The following HTR5A variants were observed in gnomAD, a reference collection of about 807,000 sequenced individuals.
The protein encoded by HTR5A is 5-hydroxytryptamine receptor 5A.
In HTR5A, 21 loss-of-function variants were observed where a neutral mutation model predicts 24.3. The observed-to-expected ratio is 0.86, with a 90% CI of 0.61 to 1.24. HTR5A has a LOEUF of 1.24. HTR5A is among the 50% of genes most tolerant of loss of function. The probability of loss-of-function intolerance (pLI) is 0.00; values close to 1 mark genes in which losing one functional copy is unlikely to be tolerated. For missense variants in HTR5A, 497 were observed against 489.5 expected, an observed-to-expected ratio of 1.02 and a Z score of -0.15; for synonymous variants, 260 against 213.7, an observed-to-expected ratio of 1.22 and a Z score of -1.89.
intron 1 of HTR5A, among the ~76,000 whole-genome samples, chr7:155,083,024 A>G (rs1312629104): frequency 6.6e-6 from 1 of 152,164 alleles, no homozygotes. Flanking sequence ...AAATTTGGTA[A>G]TTTATTCATC....
chr7:155,077,709 C>T (rs577991748), intron 1 of HTR5A, among the ~76,000 whole-genome samples: 45 of 152,276 alleles, frequency 3.0e-4, no homozygotes, highest in Non-Finnish European at 4.9e-4. Flanking sequence ...AGGTGATCTG[C>T]CCACCTCAGC....
intron 1 of HTR5A, among the ~76,000 whole-genome samples, chr7:155,074,106 G>T (rs907543647): frequency 6.6e-6 from 1 of 151,792 alleles, no homozygotes; most frequent in East Asian, 1.9e-4. Flanking sequence ...TAATGGGAGT[G>T]GGTGTCAAAG....
intron 1 of HTR5A, among the ~76,000 whole-genome samples, chr7:155,080,780 T>G (rs1163612780): frequency 1.3e-5 from 2 of 152,190 alleles, no homozygotes; most frequent in Non-Finnish European, 2.9e-5. Flanking sequence ...AGAATGAGGC[T>G]TTCTGTTGGA....
In HTR5A at chr7:155,071,299, G is replaced by T; in HGVS notation, c.400G>T (p.Ala134Ser). The change falls in exon 1 of 2, where the codon GCC becomes TCC. Residue 134 changes from alanine to serine, a missense_variant. Ala to Ser is a moderately conservative substitution (Grantham distance 99). Coordinates refer to ENST00000287907, the MANE Select transcript of HTR5A (RefSeq NM_024012.4). ...CACGGCCAGCATCTGGAACGTGACG[G>T]CCATAGCCCTGGACCGCTACTGGTC... is the stretch of plus-strand genomic sequence containing the variant. ...CCTASIWNVT[A>S]IALDRYWSIT... is the part of the protein sequence containing the mutation. The T allele has an allele frequency of 6.2e-7, 1 of 1,610,240 alleles. No homozygotes were observed.
In HTR5A at chr7:155,086,010, A is replaced by G. The variant is rs1795472915; in HGVS notation, c.*1523A>G. Among the ~76,000 whole-genome samples the G allele has an allele frequency of 6.6e-6, 1 of 152,212 alleles. No homozygotes were observed. Among genetic ancestry groups the G allele is most frequent in the African/African-American group, 2.4e-5 (1 of 41,460 alleles). Reference sequence around the variant, plus strand: ...GAAATTTAGTGATAAGAATTGAAGAATTTATTTAGAAACGTCCTTAGATTT... The same window carrying G: ...GAAATTTAGTGATAAGAATTGAAGAGTTTATTTAGAAACGTCCTTAGATTT... On this transcript the variant is annotated 3_prime_UTR_variant, in exon 2 of 2. Coordinates refer to ENST00000287907, the MANE Select transcript of HTR5A (RefSeq NM_024012.4).
At chr7:155,081,344 A>G (rs1173587153) in intron 1 of HTR5A, among the ~76,000 whole-genome samples, 1 of 152,170 alleles carries the variant, frequency 6.6e-6, no homozygotes, top group African/African-American at 2.4e-5. Flanking sequence ...GAAATAAAAG[A>G]ACATACCAGA....
intron 1 of HTR5A, among the ~76,000 whole-genome samples, chr7:155,077,994 T>C (rs1332712108): frequency 6.6e-6 from 1 of 152,184 alleles, no homozygotes; most frequent in African/African-American, 2.4e-5. Context: ...AAAGAAATTG[T>C]TGAGTGACAA....
chr7:155,071,968 A>G (rs1395525229), intron 1 of HTR5A, among the ~76,000 whole-genome samples: 1 of 152,150 alleles, frequency 6.6e-6, no homozygotes, highest in Non-Finnish European at 1.5e-5. Context: ...GAACATCTGA[A>G]TAAGCTGGTA....
chr7:155,074,558 G>A (rs572305287), intron 1 of HTR5A: 1 of 152,220 alleles, frequency 6.6e-6, no homozygotes, highest in South Asian at 2.1e-4. Flanking sequence ...ATCTCTGGTG[G>A]CCTGACTTTC....
chr7:155,078,743 C>A (rs1795384603), intron 1 of HTR5A, among the ~76,000 whole-genome samples: 1 of 65,334 alleles, frequency 1.5e-5, no homozygotes, highest in African/African-American at 4.2e-5. Context: ...CTTCTATTTT[C>A]TGTGCTTCTT....
chr7:155,079,248 T>A (rs984292631), intron 1 of HTR5A, among the ~76,000 whole-genome samples: 2 of 152,174 alleles, frequency 1.3e-5, no homozygotes, highest in African/African-American at 2.4e-5. Context: ...CCCCCATGCC[T>A]GGCCTAGAAA....
Position 155,070,448 on chromosome 7 carries a change from G to T in HTR5A, c.-452G>T, listed in dbSNP as rs947703533. 2.3e-6 allele frequency: 1 copy of T among 436,022 alleles called. No individual in the cohort carries two copies. The allele number at this position is 436,022 out of a possible 1,614,324, so 27.0% of individuals were successfully genotyped here. ...CTAGCACGGAGTTAAGGCTGCAGCC[G>T]GCTGCCTAGAGAGAAGGGTGGGCAG... On this transcript the variant is annotated 5_prime_UTR_variant, in exon 1 of 2. Transcript: ENST00000287907.
rs757620241 is a variant in HTR5A at position 155,071,259 on chromosome 7, C to A, written c.360C>A (p.Cys120Ter). 14 of 1,606,108 alleles carry A rather than the reference C, an allele frequency of 8.7e-6. No homozygotes were observed. Among genetic ancestry groups the A allele is most frequent in the Non-Finnish European group, 1.1e-5 (13 of 1,179,894 alleles). ...GGCTGTGCCAGCTTTGGATCGCGTG[C>A]GACGTGCTTTGCTGCACGGCCAGCA... Reference protein sequence around the residue: ...GRRLCQLWIACDVLCCTASIW... With the variant: ...GRRLCQLWIA Residue 120 changes from cysteine (C) to a stop codon, truncating the protein, a stop_gained, in exon 1 of 2, where the codon TGC (cysteine) becomes TGA (stop). Transcript: ENST00000287907. LOFTEE classifies it high-confidence loss of function.
chr7:155,070,965 C>G lies in HTR5A; in HGVS notation c.66C>G (p.His22Gln). ...CCCCCTCCCCTTTGGAGACCAACCA[C>G]AGCCTCGGCAAAGACGACCTGCGCC... is the stretch of plus-strand genomic sequence containing the variant. ...LSTPSPLETN[H>Q]SLGKDDLRPS... Residue 22 changes from histidine to glutamine, a missense_variant, in exon 1 of 2, where the codon CAC becomes CAG. Coordinates refer to ENST00000287907, the MANE Select transcript of HTR5A (RefSeq NM_024012.4). 2 of 1,611,028 alleles carry G rather than the reference C, an allele frequency of 1.2e-6. No homozygotes were observed. Among genetic ancestry groups the G allele is most frequent in the Non-Finnish European group, 1.7e-6 (2 of 1,180,012 alleles).
chr7:155,087,347 C>G lies in HTR5A; in HGVS notation c.*2860C>G, dbSNP rs147982652. Among the ~76,000 whole-genome samples, 2,031 of 152,280 alleles carry G rather than the reference C, an allele frequency of 0.013. 42 individuals are homozygous for G. The highest frequency in any genetic ancestry group is 0.041 in the African/African-American group (1,701 of 41,554). The stretch of plus-strand genomic sequence containing the variant: ...AAGAGGCTGTAGAGACAACACTTTG[C>G]CATATTTCTATTAAAGAGAAAATAA... On this transcript the variant is annotated 3_prime_UTR_variant, in exon 2 of 2. Transcript: ENST00000287907.
intron 1 of HTR5A, among the ~76,000 whole-genome samples, chr7:155,072,312 T>G (rs868670371): frequency 1.4e-4 from 22 of 152,230 alleles, no homozygotes; most frequent in Admixed American, 2.6e-4. Flanking sequence ...ACTTTATGGG[T>G]CTATCCCCCA....
At position 155,070,988 on chromosome 7, in the gene HTR5A, G is replaced by A. The variant is rs201595546; in HGVS notation, c.89G>A (p.Arg30His). 7 of 1,611,512 alleles carry A rather than the reference G, an allele frequency of 4.3e-6. No homozygotes were observed. Among genetic ancestry groups the A allele is most frequent in the East Asian group, 4.5e-5 (2 of 44,856 alleles). The part of the protein sequence containing the change: ...TNHSLGKDDL[R>H]PSSPLLSVFG... ...CACAGCCTCGGCAAAGACGACCTGC[G>A]CCCCAGCTCGCCCCTGCTCTCGGTC... is the stretch of plus-strand genomic sequence containing the variant. The change falls in exon 1 of 2, where the codon CGC becomes CAC. Residue 30 changes from arginine (R) to histidine (H), a missense_variant. By Grantham distance (29) the Arg-to-His change is conservative. Transcript: ENST00000287907.
chr7:155,071,662 A>C (rs1795297023), intron 1 of HTR5A, 22 bp downstream of exon 1: 5 of 1,608,790 alleles, frequency 3.1e-6, no homozygotes, highest in Non-Finnish European at 4.2e-6. Flanking sequence ...AGCAATCCTT[A>C]AAAATACTCG....
At chr7:155,071,691 T>G (rs1415861520) in intron 1 of HTR5A, 51 bp downstream of exon 1, 9 of 1,568,806 alleles carry the variant, frequency 5.7e-6, no homozygotes, top group African/African-American at 4.1e-5. Context: ...CTGTACAGGC[T>G]ATATCCCCAG....
Sources: gnomAD v4.1 joint callset for allele counts (sites outside exome capture counted in the v4.1 genomes callset) on GRCh38, gnomAD v4.1.1 for gene constraint, MANE v1.5 for transcripts, NCBI Gene and HGNC (gene_info 2026-07-23, HGNC 2026-07-21) for gene names.